TTPA: variants seen among roughly 807,000 people sequenced by gnomAD.
TTPA encodes the protein alpha-tocopherol transfer protein.
Under a neutral mutation model 25.9 loss-of-function variants are expected in TTPA, and 23 were observed. That is an observed-to-expected ratio of 0.89 (90% CI 0.64 to 1.26). The LOEUF (loss-of-function observed/expected upper bound fraction) is 1.26. TTPA is among the 50% of genes most tolerant of loss of function. The pLI is 0.00. For synonymous variants in TTPA, 148 were observed against 137.3 expected (o/e 1.08, Z -0.54); for missense variants, 337 against 353.1 (o/e 0.95, Z 0.37).
At chr8:63,076,521 A>G (rs1318773009) in intron 1 of TTPA, among the ~76,000 whole-genome samples, 3 of 152,212 alleles carry the variant, frequency 2.0e-5, no homozygotes, top group Non-Finnish European at 4.4e-5. Flanking sequence ...CTTGATTTCT[A>G]TGCGGTGGAT....
chr8:63,067,841 CTACTTA>C (rs1376836805), intron 2 of TTPA, among the ~76,000 whole-genome samples: 1 of 152,118 alleles, frequency 6.6e-6, no homozygotes, highest in African/African-American at 2.4e-5. Context: ...TGTTTAGCTC[CTACTTA>C]TAAGTGAGAA....
intron 3 of TTPA, among the ~76,000 whole-genome samples, chr8:63,065,595 T>C (rs920679076): frequency 1.3e-5 from 2 of 152,194 alleles, no homozygotes; most frequent in African/African-American, 4.8e-5. Flanking sequence ...TGATATATTA[T>C]ATTTTTTAAT....
intron 1 of TTPA, among the ~76,000 whole-genome samples, chr8:63,073,685 T>G (rs962870791): frequency 1.4e-4 from 21 of 152,190 alleles, no homozygotes; most frequent in Admixed American, 1.4e-3. Context: ...CCCAAACTGG[T>G]GATATCAAAA....
chr8:63,073,574 G>C (rs772764830), intron 1 of TTPA, among the ~76,000 whole-genome samples: 20 of 152,190 alleles, frequency 1.3e-4, no homozygotes, highest in Admixed American at 2.6e-4. Context: ...CATGTGGAGA[G>C]AGGCATGGAG....
At chr8:63,059,180 C>T (rs910414252), downstream of TTPA, among the ~76,000 whole-genome samples, 1 of 149,452 alleles carries the variant, frequency 6.7e-6, no homozygotes, top group African/African-American at 2.5e-5. Flanking sequence ...TACAGGCGCC[C>T]GCCACTACGC....
chr8:63,064,210 T>C lies in TTPA; in HGVS notation c.659A>G (p.Glu220Gly). 1 of 1,609,424 alleles carries C rather than the reference T, an allele frequency of 6.2e-7. No individual in the cohort carries two copies. Among genetic ancestry groups the C allele is most frequent in the Non-Finnish European group, 8.5e-7 (1 of 1,176,366 alleles). ...IKPFLTEKIK[E>G]RIHMHGNNYK... Reference sequence around the variant, plus strand: ...ACTTGAATATATTTTACTCACCCGTTCCTTAATTTTTTCAGTCAGGAATGG... The same window carrying C: ...ACTTGAATATATTTTACTCACCCGTCCCTTAATTTTTTCAGTCAGGAATGG... Residue 220 changes from glutamate to glycine, a missense_variant, in exon 4 of 5, where the codon GAA (glutamate) becomes GGA (glycine). Coordinates refer to ENST00000260116, the MANE Select transcript of TTPA (RefSeq NM_000370.3).
chr8:63,067,909 CTCCAGCTGCA>C, intron 2 of TTPA, among the ~76,000 whole-genome samples: 1 of 152,250 alleles, frequency 6.6e-6, no homozygotes, highest in Middle Eastern at 3.4e-3. Flanking sequence ...AGATAATGGC[CTCCAGCTGCA>C]TCCCTGTTGC....
intron 1 of TTPA, among the ~76,000 whole-genome samples, chr8:63,080,231 A>C (rs1235498718): frequency 4.6e-5 from 7 of 152,364 alleles, no homozygotes; most frequent in African/African-American, 1.7e-4. Flanking sequence ...AGGATCTCAA[A>C]TCGACACCCT....
intron 1 of TTPA, among the ~76,000 whole-genome samples, chr8:63,079,825 A>G (rs1400294544): frequency 6.6e-6 from 1 of 152,220 alleles, no homozygotes; most frequent in Admixed American, 6.5e-5. Flanking sequence ...CAGACCTAAC[A>G]GACATCTACA....
At chr8:63,076,524 C>T (rs192597941) in intron 1 of TTPA, among the ~76,000 whole-genome samples, 55 of 152,208 alleles carry the variant, frequency 3.6e-4, no homozygotes, top group African/African-American at 1.1e-3. Context: ...GATTTCTATG[C>T]GGTGGATTTA....
At chr8:63,082,931 A>C (rs1309639389) in intron 1 of TTPA, among the ~76,000 whole-genome samples, 2 of 152,252 alleles carry the variant, frequency 1.3e-5, no homozygotes, top group African/African-American at 2.4e-5. Flanking sequence ...TCAAAACCAC[A>C]ATGAGATACT....
rs1805304342 is a variant in TTPA, at chr8:63,061,416, G to T, written c.673C>A (p.His225Asn). The T allele has an allele frequency of 1.2e-6, 2 of 1,613,930 alleles. No individual in the cohort carries two copies. Among genetic ancestry groups the T allele is most frequent in the South Asian group, 1.1e-5 (1 of 91,082 alleles). ...AAGCTTTGTTTGTAGTTGTTCCCATGCATGTGAATCTGAAATAGCCAAAAC... is the reference window on the plus strand; with the variant it reads ...AAGCTTTGTTTGTAGTTGTTCCCATTCATGTGAATCTGAAATAGCCAAAAC... ...TEKIKERIHM[H>N]GNNYKQSLLQ... The change falls in exon 5 of 5, where the codon CAT becomes AAT. Residue 225 changes from histidine to asparagine, a missense_variant. By Grantham distance (68) the His-to-Asn change is moderately conservative. Transcript: ENST00000260116.
At chr8:63,064,464 C>T in intron 3 of TTPA, 148 bp from the exon 4 acceptor site, 1 of 629,050 alleles carries the variant, frequency 1.6e-6, no homozygotes, top group South Asian at 2.0e-5. Context: ...TCCATCAGCA[C>T]AAAAGCCTGG....
chr8:63,085,944 C>T lies in TTPA; in HGVS notation c.78G>A (p.Pro26=). The T allele has an allele frequency of 6.6e-7, 1 of 1,521,292 alleles. No individual in the cohort carries two copies. The highest frequency in any genetic ancestry group is 8.8e-7 in the Non-Finnish European group (1 of 1,142,116). The allele number at this position is 1,521,292 out of a possible 1,614,324, so 94.2% of individuals were successfully genotyped here. The change falls in exon 1 of 5, where the codon CCG becomes CCA. Residue 26 remains proline (P), a synonymous_variant. Coordinates refer to ENST00000260116, the MANE Select transcript of TTPA (RefSeq NM_000370.3). ...ALPDHSPLLQ[P]GLAALRRRAR... ...CCCGGCGCCGCAGCGCCGCCAGGCCCGGCTGCAGCAACGGAGAGTGGTCCG... is the reference window on the plus strand; with the variant it reads ...CCCGGCGCCGCAGCGCCGCCAGGCCTGGCTGCAGCAACGGAGAGTGGTCCG...
intron 4 of TTPA, among the ~76,000 whole-genome samples, chr8:63,063,887 G>A (rs1805346128): frequency 6.6e-6 from 1 of 151,878 alleles, no homozygotes; most frequent in African/African-American, 2.4e-5. Context: ...TTTTGTTTAG[G>A]TATAGGTAAT....
intron 3 of TTPA, among the ~76,000 whole-genome samples, chr8:63,064,915 T>C (rs1413070824): frequency 6.6e-6 from 1 of 152,194 alleles, no homozygotes; most frequent in Non-Finnish European, 1.5e-5. Flanking sequence ...CTTTCAGAGA[T>C]GTATTATTAA....
At chr8:63,059,307 C>T (rs928932514), downstream of TTPA, among the ~76,000 whole-genome samples, 1 of 151,710 alleles carries the variant, frequency 6.6e-6, no homozygotes, top group African/African-American at 2.4e-5. Flanking sequence ...GCTGGGATTA[C>T]AGGCGTGAGC....
At chr8:63,068,650 G>A (rs1022642317) in intron 2 of TTPA, among the ~76,000 whole-genome samples, 1 of 152,104 alleles carries the variant, frequency 6.6e-6, no homozygotes, top group African/African-American at 2.4e-5. Flanking sequence ...CGAATGAGGA[G>A]TTTTTGTTTT....
In TTPA at chr8:63,080,030, A is replaced by T. The variant is rs1024283267; in HGVS notation, c.204+5788T>A. On this transcript the variant is annotated intron_variant, in intron 1 of 4. Transcript: ENST00000260116. ...GATTAAGAAACTCACTCAAAACCGC[A>T]CAACTACATGGAAACTGAACCACCT... 2.6e-5 allele frequency among the ~76,000 whole-genome samples: 4 copies of T among 152,190 alleles called. No homozygotes were observed. The East Asian group carries it at 7.7e-4, about 29-fold the overall frequency.
Sources: allele counts gnomAD v4.1 joint callset (sites outside exome capture counted in the v4.1 genomes callset), GRCh38; gene constraint gnomAD v4.1.1; transcripts MANE v1.5; gene names NCBI Gene and HGNC (gene_info 2026-07-23, HGNC 2026-07-21).